The following JADE3 variants were observed in gnomAD, a reference collection of about 807,000 sequenced individuals.
The protein encoded by JADE3 is jade family PHD finger 3, also known as protein Jade-3.
In JADE3, 2 loss-of-function variants were observed where a neutral mutation model predicts 50.1. That is an observed-to-expected ratio of 0.04 (90% CI 0.02 to 0.13). The LOEUF is 0.13. JADE3 is among the 10% of genes least tolerant of loss of function. The probability of loss-of-function intolerance (pLI) is 1.00; values close to 1 mark genes in which losing one functional copy is unlikely to be tolerated. For missense variants in JADE3, 475 were observed against 634.4 expected, an observed-to-expected ratio of 0.75 and a Z score of 2.70; for synonymous variants, 218 against 232.9, an observed-to-expected ratio of 0.94 and a Z score of 0.58.
At chrX:47,009,368 A>G (rs1233160653) in intron 4 of JADE3, among the ~76,000 whole-genome samples, 2 of 111,307 alleles carry the variant, frequency 1.8e-5, no homozygotes, top group South Asian at 3.8e-4. Context: ...TGAAGACACA[A>G]TCATGGGTGG....
At chrX:47,027,736 C>T (rs782754380) in intron 5 of JADE3, among the ~76,000 whole-genome samples, 156 bp from the exon 6 acceptor site, 4 of 111,936 alleles carry the variant, frequency 3.6e-5, no homozygotes, top group African/African-American at 6.5e-5. Context: ...TAGAGTAGCA[C>T]TAGCAAAAGA....
In JADE3 at chrX:47,024,804, A is replaced by G; in HGVS notation, c.365A>G (p.Glu122Gly). The G allele has an allele frequency of 8.4e-7, 1 of 1,195,194 alleles. No individual in the cohort carries two copies. The highest frequency in any genetic ancestry group is 1.1e-6 in the Non-Finnish European group (1 of 880,480). The change falls in exon 5 of 11, where the codon GAG becomes GGG. Residue 122 changes from glutamate to glycine, a missense_variant. Coordinates refer to ENST00000614628, the MANE Select transcript of JADE3 (RefSeq NM_014735.5). ...YIHCSSPDTTEPGYINIMELA... is the reference protein window; with the variant it reads ...YIHCSSPDTTGPGYINIMELA... ...CACTGCTCCAGCCCAGACACCACAGAGCCTGGCTACATCAACATCATGGAG... is the reference window on the plus strand; with the variant it reads ...CACTGCTCCAGCCCAGACACCACAGGGCCTGGCTACATCAACATCATGGAG...
At chrX:46,990,057 A>G (rs1229015584) in intron 3 of JADE3, among the ~76,000 whole-genome samples, 1 of 92,776 alleles carries the variant, frequency 1.1e-5, no homozygotes, top group Non-Finnish European at 2.1e-5. Flanking sequence ...TTATATATAT[A>G]TTCCATTTCT....
rs1929731736 is a variant in JADE3, at chrX:47,060,055, G to A, written c.*978G>A. On this transcript the variant is annotated 3_prime_UTR_variant, in exon 11 of 11. Coordinates refer to ENST00000614628, the MANE Select transcript of JADE3 (RefSeq NM_014735.5). ...TTTAATTTTGAAACAGATTTTTATT[G>A]TCAAACAGAATTTGAAAGCATGTGT... 1 of 111,984 alleles carries A rather than the reference G, an allele frequency of 8.9e-6. No homozygotes were observed. The allele number at this position is 111,984 out of a possible 1,213,427, so 9.2% of individuals were successfully genotyped here.
At chrX:46,980,825 T>G (rs1927732127) in intron 1 of JADE3, among the ~76,000 whole-genome samples, 1 of 111,860 alleles carries the variant, frequency 8.9e-6, no homozygotes, top group Non-Finnish European at 1.9e-5. Context: ...CTCTGCAACC[T>G]ATGAATATGT....
At chrX:46,975,708 C>T (rs868952228) in intron 1 of JADE3, among the ~76,000 whole-genome samples, 161 of 50,366 alleles carry the variant, frequency 3.2e-3, no homozygotes, top group South Asian at 5.1e-3. Flanking sequence ...TTTCTTTTTT[C>T]TTTTTCTTTT....
chrX:46,983,707 C>T (rs991972343), intron 1 of JADE3, among the ~76,000 whole-genome samples: 3 of 111,678 alleles, frequency 2.7e-5, no homozygotes, highest in African/African-American at 9.8e-5. Flanking sequence ...TTTGACTTTA[C>T]TTTATGAATT....
rs199514438 is a variant in JADE3, at chrX:47,023,135, CA to C, written c.285-1588del. Among the ~76,000 whole-genome samples the C allele has an allele frequency of 7.2e-5, 8 of 111,436 alleles. No individual in the cohort carries two copies. The East Asian group carries it at 2.0e-3, about 27-fold the overall frequency. On this transcript the variant is annotated intron_variant, in intron 4 of 10. Coordinates refer to ENST00000614628, the MANE Select transcript of JADE3 (RefSeq NM_014735.5). ...ATTTTTTCCCTTCAACTTTTAAGTT[CA>C]GGGGTACATGTGCAGGATGTATAGG...
At chrX:47,026,393 C>G (rs1346061136) in intron 5 of JADE3, among the ~76,000 whole-genome samples, 1 of 111,515 alleles carries the variant, frequency 9.0e-6, no homozygotes, top group African/African-American at 3.3e-5. Context: ...TTTCAGTTCC[C>G]CTAATGTTAA....
At chrX:47,018,679 T>C (rs1202184367) in intron 4 of JADE3, among the ~76,000 whole-genome samples, 3 of 112,200 alleles carry the variant, frequency 2.7e-5, no homozygotes, top group Non-Finnish European at 5.6e-5. Flanking sequence ...TTTAAAACAG[T>C]CCTTTTGCAG....
At chrX:46,969,262 A>G (rs1468181974) in intron 1 of JADE3, among the ~76,000 whole-genome samples, 3 of 110,553 alleles carry the variant, frequency 2.7e-5, no homozygotes, top group Non-Finnish European at 5.7e-5. Context: ...CTAAAAATAC[A>G]AAAATCAGCC....
In JADE3 at chrX:46,952,752, C is replaced by G. The variant is rs187503157; in HGVS notation, c.-11-32132C>G. On this transcript the variant is annotated intron_variant, in intron 1 of 10. Transcript: ENST00000614628. ...GTGGCTCACGCCTGTAATCCCAGCA[C>G]TTTGGGAGGCCGAGGCGTATGGATC... Among the ~76,000 whole-genome samples, 376 of 111,984 alleles carry G rather than the reference C, an allele frequency of 3.4e-3. 1 individual carries two copies. The highest frequency in any genetic ancestry group is 0.012 in the African/African-American group (361 of 30,824).
chrX:46,917,858 C>CT (rs1926133174), intron 1 of JADE3, among the ~76,000 whole-genome samples: 12 of 22,819 alleles, frequency 5.3e-4, no homozygotes, highest in Non-Finnish European at 7.3e-4. Context: ...TCTCTCTCAT[C>CT]CTCTCTCTCT....
chrX:46,957,814 A>G (rs1556346875), intron 1 of JADE3, among the ~76,000 whole-genome samples: 1 of 112,248 alleles, frequency 8.9e-6, no homozygotes, highest in Admixed American at 9.5e-5. Flanking sequence ...ATTCCAGAGT[A>G]TGAATGAACC....
intron 1 of JADE3, among the ~76,000 whole-genome samples, chrX:46,940,705 T>C (rs1284179216): frequency 1.8e-5 from 2 of 111,175 alleles, no homozygotes; most frequent in Non-Finnish European, 3.8e-5. Context: ...AGACCCACCT[T>C]GCCAGCTGAC....
intron 1 of JADE3, among the ~76,000 whole-genome samples, chrX:46,945,971 G>A (rs1227092673): frequency 9.0e-6 from 1 of 111,628 alleles, no homozygotes; most frequent in Non-Finnish European, 1.9e-5. Flanking sequence ...CATATGTGAG[G>A]ATTTGTGTAT....
chrX:46,947,898 T>C (rs1926918664), intron 1 of JADE3, among the ~76,000 whole-genome samples: 1 of 111,304 alleles, frequency 9.0e-6, no homozygotes, highest in African/African-American at 3.3e-5. Flanking sequence ...TTTCTTCCTC[T>C]GTTATACAAC....
chrX:46,927,254 G>C (rs1440238915), intron 1 of JADE3, among the ~76,000 whole-genome samples: 1 of 112,309 alleles, frequency 8.9e-6, no homozygotes. Flanking sequence ...ATAAAATGCT[G>C]AGCAATGTAT....
chrX:47,028,197 T>C (rs1928944681), intron 6 of JADE3, 94 bp downstream of exon 6: 1 of 570,645 alleles, frequency 1.8e-6, no homozygotes, highest in Non-Finnish European at 2.8e-6. Flanking sequence ...GCAGCTTGCA[T>C]TTAAGGGTGA....
Sources: gnomAD v4.1 joint callset for allele counts (sites outside exome capture counted in the v4.1 genomes callset) on GRCh38, gnomAD v4.1.1 for gene constraint, MANE v1.5 for transcripts, NCBI Gene and HGNC (gene_info 2026-07-23, HGNC 2026-07-21) for gene names.